Variants in PRKDC observed in about 807,000 individuals in gnomAD.
PRKDC encodes protein kinase, DNA-activated, catalytic subunit.
A neutral mutation model predicts 486.9 loss-of-function variants in PRKDC; 82 were observed. That is an observed-to-expected ratio of 0.17 (90% CI 0.14 to 0.20). The LOEUF (loss-of-function observed/expected upper bound fraction) is 0.20, where lower values mean the gene tolerates loss of function less well. PRKDC is among the 10% of genes least tolerant of loss of function. The probability of loss-of-function intolerance (pLI) is 1.00; values close to 1 mark genes in which losing one functional copy is unlikely to be tolerated. For synonymous variants in PRKDC, 1,895 were observed against 1,837.0 expected, an observed-to-expected ratio of 1.03 and a Z score of -0.81; for missense variants, 4,504 against 5,038.2, an observed-to-expected ratio of 0.89 and a Z score of 3.21.
At chr8:47,775,722 C>T (rs985923256) in intron 85 of PRKDC, among the ~76,000 whole-genome samples, 5 of 151,930 alleles carry the variant, frequency 3.3e-5, no homozygotes, top group Admixed American at 1.3e-4. Flanking sequence ...TGATGAAGTC[C>T]AATGTATATA....
At chr8:47,895,406 T>A (rs2089555782) in intron 30 of PRKDC, among the ~76,000 whole-genome samples, 1 of 152,026 alleles carries the variant, frequency 6.6e-6, no homozygotes, top group South Asian at 2.1e-4. Context: ...TGCTGAGAGG[T>A]GGAACTCTAT....
At chr8:47,910,716 A>C (rs954698115) in intron 25 of PRKDC, among the ~76,000 whole-genome samples, 1 of 152,230 alleles carries the variant, frequency 6.6e-6, no homozygotes, top group East Asian at 1.9e-4. Context: ...AGAGTTATCA[A>C]TTGATTTGGG....
chr8:47,928,611 G>A (rs1025407866), intron 19 of PRKDC, among the ~76,000 whole-genome samples: 2 of 151,192 alleles, frequency 1.3e-5, no homozygotes, highest in Admixed American at 1.3e-4. Context: ...GGAGTGCAGT[G>A]GCACTATCTC....
intron 18 of PRKDC, 63 bp from the exon 19 acceptor site, chr8:47,929,241 G>C: frequency 8.8e-7 from 1 of 1,140,382 alleles, no homozygotes; most frequent in South Asian, 1.3e-5. Flanking sequence ...TCCCAATCCA[G>C]TAGTTCCTAG....
intron 80 of PRKDC, among the ~76,000 whole-genome samples, chr8:47,780,047 T>C (rs1403119843): frequency 4.0e-5 from 6 of 151,474 alleles, no homozygotes; most frequent in African/African-American, 1.5e-4. Flanking sequence ...CCTAAGTGGC[T>C]GGGATTACAG....
intron 13 of PRKDC, 120 bp from the exon 14 acceptor site, chr8:47,935,178 C>T (rs1334655740): frequency 1.4e-6 from 1 of 726,662 alleles, no homozygotes; most frequent in Non-Finnish European, 2.2e-6. Context: ...AATTTATTTT[C>T]TAAGTTCATT....
chr8:47,862,265 A>T (rs2088695341), intron 43 of PRKDC, 108 bp downstream of exon 43: 2 of 1,385,016 alleles, frequency 1.4e-6, no homozygotes, highest in Non-Finnish European at 9.8e-7. Context: ...AATTAAACGA[A>T]CCACATCTTT....
chr8:47,853,309 G>C (rs2088456497), intron 51 of PRKDC, among the ~76,000 whole-genome samples: 1 of 152,248 alleles, frequency 6.6e-6, no homozygotes, highest in African/African-American at 2.4e-5. Flanking sequence ...CACTGAGGCT[G>C]CCGCGAAGCT....
rs1334397389 is a variant in PRKDC, at chr8:47,936,382, C to A, written c.1249G>T (p.Val417Phe). 4 of 1,613,508 alleles carry A rather than the reference C, an allele frequency of 2.5e-6. No homozygotes were observed. The highest frequency in any genetic ancestry group is 3.4e-6 in the Non-Finnish European group (4 of 1,179,672). ...VYQMPSFLQS[V>F]ASVLLYLDTV... is the part of the protein sequence containing the mutation. ...TCAAGGTACAGCAAGACGCTTGCAA[C>A]AGACTGGAGGAAGCTTGGCATCTGA... is the stretch of plus-strand genomic sequence containing the variant. The change falls in exon 12 of 86, where the codon GTT becomes TTT. Residue 417 changes from valine to phenylalanine, a missense_variant. By Grantham distance (50) the Val-to-Phe change is conservative. This residue lies in a region of PRKDC where 1,969 missense variants were observed against 2,068.9 expected (regional missense o/e 0.95). Transcript: ENST00000314191.
rs1357139285 is a variant in PRKDC, at chr8:47,836,429, G to A, written c.7860C>T (p.Thr2620=). The A allele has an allele frequency of 6.2e-7, 1 of 1,613,134 alleles. No homozygotes were observed. Among genetic ancestry groups the A allele is most frequent in the Admixed American group, 1.7e-5 (1 of 59,884 alleles). The part of the protein sequence containing the change: ...QASQGTLQTR[T]QEGSLSARWP... ...AGCGAGCTGAGAGGGACCCTTCCTG[G>A]GTACGGGTCTGGAGAGTGCCCTGGG... The change falls in exon 58 of 86, where the codon ACC becomes ACT. Residue 2620 remains threonine (T), a synonymous_variant. Transcript: ENST00000314191.
chr8:47,858,178 C>T (rs547339832), intron 48 of PRKDC, among the ~76,000 whole-genome samples: 7 of 151,868 alleles, frequency 4.6e-5, no homozygotes, highest in African/African-American at 1.4e-4. Flanking sequence ...AATATTTTCT[C>T]CCCCGCTCCA....
Position 47,954,368 on chromosome 8 carries a change from G to T in PRKDC, c.478C>A (p.Leu160Ile). ...GELFSKFYGE[L>I]ALKKKIPDTV... ...TCTGGTATTTTTTTTTTCAATGCAAGTTCTCCATAGAATTTACTAAATAAT... is the reference window on the plus strand; with the variant it reads ...TCTGGTATTTTTTTTTTCAATGCAATTTCTCCATAGAATTTACTAAATAAT... The change falls in exon 5 of 86, where the codon CTT (leucine) becomes ATT (isoleucine). Residue 160 changes from leucine (L) to isoleucine (I), a missense_variant. Coordinates refer to ENST00000314191, the MANE Select transcript of PRKDC (RefSeq NM_006904.7). The T allele has an allele frequency of 1.5e-6, 2 of 1,337,012 alleles. No homozygotes were observed. Among genetic ancestry groups the T allele is most frequent in the South Asian group, 1.6e-5 (1 of 62,698 alleles). 82.8% of individuals were successfully genotyped at this position (1,337,012 alleles called of 1,614,324 possible). A position where few individuals can be genotyped will look rare whatever the true frequency, so the allele number is the denominator to read the frequency against.
intron 1 of PRKDC, 89 bp from the exon 2 acceptor site, chr8:47,957,520 A>G: frequency 8.7e-7 from 1 of 1,144,960 alleles, no homozygotes; most frequent in Non-Finnish European, 1.2e-6. Flanking sequence ...TTTTCTTATT[A>G]TTTTTTTTGA....
chr8:47,878,686 A>T (rs1393210349), intron 39 of PRKDC, among the ~76,000 whole-genome samples: 1 of 152,210 alleles, frequency 6.6e-6, no homozygotes, highest in African/African-American at 2.4e-5. Flanking sequence ...GAATAGAACA[A>T]GTATGTTTTA....
intron 7 of PRKDC, among the ~76,000 whole-genome samples, chr8:47,946,656 C>T (rs982641209): frequency 7.9e-5 from 12 of 152,128 alleles, no homozygotes; most frequent in African/African-American, 7.2e-5. Context: ...ATACTACCTA[C>T]GTGATGAAGA....
In PRKDC at chr8:47,831,799, T is replaced by G. The variant is rs576351266; in HGVS notation, c.8265+15A>C. 115 of 1,611,890 alleles carry G rather than the reference T, an allele frequency of 7.1e-5. 2 individuals carry two copies. In the South Asian group the frequency reaches 1.2e-3, roughly 16 times the overall value. On this transcript the variant is annotated intron_variant, in intron 60 of 85. Coordinates refer to ENST00000314191, the MANE Select transcript of PRKDC (RefSeq NM_006904.7). ...AACTGCATCGTTCTGATCAAATTCT[T>G]GACAAGATACAAACCTTCTCTCGTT...
intron 17 of PRKDC, 57 bp from the exon 18 acceptor site, chr8:47,930,069 T>C (rs946167639): frequency 4.8e-6 from 7 of 1,473,412 alleles, no homozygotes; most frequent in South Asian, 3.7e-5. Flanking sequence ...GATCTTAAAA[T>C]TGTAAGGGAC....
chr8:47,774,159 G>C lies in PRKDC; in HGVS notation c.*14C>G, dbSNP rs2086564855. 6.4e-7 allele frequency: 1 copy of C among 1,559,832 alleles called. No homozygotes were observed. ...AACAATGTAATGCTTTCTATCTGCA[G>C]ACTCCCACAGACCTCACATCCAGGG... On this transcript the variant is annotated 3_prime_UTR_variant, in exon 86 of 86. Coordinates refer to ENST00000314191, the MANE Select transcript of PRKDC (RefSeq NM_006904.7).
chr8:47,953,972 T>A, intron 5 of PRKDC, 53 bp from the exon 6 acceptor site: 1 of 969,416 alleles, frequency 1.0e-6, no homozygotes, highest in South Asian at 1.7e-5. Flanking sequence ...TTAAATAAGT[T>A]AAACTAACCA....
Sources: allele counts gnomAD v4.1 joint callset (sites outside exome capture counted in the v4.1 genomes callset), GRCh38; gene constraint gnomAD v4.1.1; regional missense constraint gnomAD v4.1.1; transcripts MANE v1.5; gene names NCBI Gene and HGNC (gene_info 2026-07-23, HGNC 2026-07-21).